DMXL1: variants seen among roughly 807,000 people sequenced by gnomAD.
DMXL1 encodes Dmx like 1, also known as dmX-like protein 1.
A neutral mutation model predicts 319.2 loss-of-function variants in DMXL1; 99 were observed. The observed-to-expected ratio is 0.31, with a 90% CI of 0.26 to 0.37. DMXL1 has a LOEUF of 0.37. Ranked by LOEUF, DMXL1 falls within the 10% of genes least tolerant of loss-of-function variation. The probability of loss-of-function intolerance (pLI) is 1.00; values close to 1 mark genes in which losing one functional copy is unlikely to be tolerated. For synonymous variants in DMXL1, 1,385 were observed against 1,235.2 expected, an observed-to-expected ratio of 1.12 and a Z score of -2.54; for missense variants, 3,745 against 3,595.6, an observed-to-expected ratio of 1.04 and a Z score of -1.06.
rs763521297 is a variant in DMXL1, at chr5:119,133,160, A to G, written c.1344A>G (p.Lys448=). ...CTGATGATGGTGTTGATGATCTGAAAATAAATCCCGAAAAGAAGGAATTAG... is the reference window on the plus strand; with the variant it reads ...CTGATGATGGTGTTGATGATCTGAAGATAAATCCCGAAAAGAAGGAATTAG... The part of the protein sequence containing the change: ...EETDDGVDDL[K]INPEKKELGC... The change falls in exon 11 of 44, where the codon AAA becomes AAG. Residue 448 remains lysine, a synonymous_variant. Transcript: ENST00000539542. The G allele has an allele frequency of 3.7e-6, 6 of 1,614,062 alleles. No individual in the cohort carries two copies. The African/African-American group carries it at 8.0e-5, about 22-fold the overall frequency.
At chr5:119,110,416 T>A (rs1271699240) in intron 5 of DMXL1, 133 bp downstream of exon 5, 6 of 722,474 alleles carry the variant, frequency 8.3e-6, no homozygotes, top group African/African-American at 1.9e-5. Flanking sequence ...TGCTTTTTCT[T>A]ATACACAGAT....
At chr5:119,160,002 T>C (rs1377971132) in intron 19 of DMXL1, among the ~76,000 whole-genome samples, 3 of 152,188 alleles carry the variant, frequency 2.0e-5, no homozygotes, top group Admixed American at 2.0e-4. Context: ...CAGGTTTTTT[T>C]CCCCTGTCAT....
intron 23 of DMXL1, among the ~76,000 whole-genome samples, chr5:119,168,528 TAG>T (rs1403721951): frequency 6.6e-6 from 1 of 152,228 alleles, no homozygotes; most frequent in Non-Finnish European, 1.5e-5. Flanking sequence ...GTCTAGTTCA[TAG>T]ATTTTTATGT....
rs139272268 is a variant in DMXL1 at position 119,146,949 on chromosome 5, C to T, written c.2682C>T (p.Val894=). The change falls in exon 16 of 44, where the codon GTC becomes GTT. Residue 894 remains valine, a synonymous_variant. Coordinates refer to ENST00000539542, the MANE Select transcript of DMXL1 (RefSeq NM_001290321.3). ...MWNLHLKSIP[V]SLDEKVDTKL... is the part of the protein sequence containing the mutation. ...ATTTACATCTAAAGTCAATTCCTGT[C>T]TCATTAGGTGAGTCTTTTGTGTGTG... The T allele has an allele frequency of 1.4e-5, 23 of 1,612,074 alleles. No individual in the cohort carries two copies. Among genetic ancestry groups the T allele is most frequent in the Middle Eastern group, 3.3e-4 (2 of 6,064 alleles).
At chr5:119,132,940 C>G in intron 10 of DMXL1, 192 bp from the exon 11 acceptor site, 1 of 621,604 alleles carries the variant, frequency 1.6e-6, no homozygotes, top group South Asian at 2.0e-5. Context: ...TACTGGTTTA[C>G]TTAAAGTATA....
intron 33 of DMXL1, among the ~76,000 whole-genome samples, chr5:119,205,877 T>C (rs1463093157): frequency 6.6e-6 from 1 of 152,128 alleles, no homozygotes; most frequent in Non-Finnish European, 1.5e-5. Context: ...TGCTTAAATA[T>C]TTTAGTCAAA....
chr5:119,216,823 T>C, intron 34 of DMXL1, 78 bp from the exon 35 acceptor site: 1 of 756,564 alleles, frequency 1.3e-6, no homozygotes, highest in South Asian at 1.7e-5. Context: ...ATGCAAGTAC[T>C]AATTGATAGA....
intron 7 of DMXL1, among the ~76,000 whole-genome samples, chr5:119,118,459 T>C (rs1222332513): frequency 3.9e-5 from 6 of 152,110 alleles, no homozygotes; most frequent in Non-Finnish European, 8.8e-5. Context: ...AAGAATCTTA[T>C]TGAGTGCTGG....
At position 119,148,790 on chromosome 5, in the gene DMXL1, T is replaced by G; in HGVS notation, c.2963T>G (p.Leu988Trp). 1 of 1,613,632 alleles carries G rather than the reference T, an allele frequency of 6.2e-7. No homozygotes were observed. The highest frequency in any genetic ancestry group is 8.5e-7 in the Non-Finnish European group (1 of 1,179,676). Residue 988 changes from leucine (L) to tryptophan (W), a missense_variant, in exon 18 of 44, where the codon TTG becomes TGG. Coordinates refer to ENST00000539542, the MANE Select transcript of DMXL1 (RefSeq NM_001290321.3). ...CCTGCATGCAGTGCTCCTTATTTAT[T>G]GGCAACTTCATGTTCAGATGAGAAA... The part of the protein sequence containing the change: ...IYPACSAPYL[L>W]ATSCSDEKVR...
At position 119,164,593 on chromosome 5, in the gene DMXL1, G is replaced by A. The variant is rs79390966; in HGVS notation, c.4789G>A (p.Asp1597Asn). Residue 1597 changes from aspartate (D) to asparagine (N), a missense_variant, in exon 20 of 44, where the codon GAT (aspartate) becomes AAT (asparagine). By Grantham distance (23) the Asp-to-Asn change is conservative (BLOSUM62 1). Around this residue, in one of 4 missense-constraint regions of DMXL1, gnomAD observed 2,096 missense variants for 1,985.4 expected, o/e 1.06. Transcript: ENST00000539542. ...CATGTTGCCAGCCATGCAGAAAGATGATCCCACTTGGTCTGAACTAAGAGC... is the reference window on the plus strand; with the variant it reads ...CATGTTGCCAGCCATGCAGAAAGATAATCCCACTTGGTCTGAACTAAGAGC... ...LNMLPAMQKD[D>N]PTWSELRAMG... is the part of the protein sequence containing the mutation. The A allele has an allele frequency of 1.1e-3, 1,781 of 1,614,140 alleles. 47 individuals carry two copies. In the East Asian group the frequency reaches 0.038, roughly 34 times the overall value.
intron 4 of DMXL1, among the ~76,000 whole-genome samples, chr5:119,106,440 A>C (rs934186634): frequency 1.3e-5 from 2 of 152,180 alleles, no homozygotes; most frequent in African/African-American, 4.8e-5. Context: ...ATTCTACGAA[A>C]GTGAGGGAAG....
At chr5:119,143,806 G>A (rs1354208593) in intron 13 of DMXL1, 35 bp from the exon 14 acceptor site, 1 of 1,385,272 alleles carries the variant, frequency 7.2e-7, no homozygotes, top group Non-Finnish European at 9.9e-7. Context: ...CATATGAATT[G>A]TTTAGTAAAT....
At chr5:119,194,352 T>A (rs1779221373) in intron 30 of DMXL1, among the ~76,000 whole-genome samples, 1 of 152,202 alleles carries the variant, frequency 6.6e-6, no homozygotes, top group Admixed American at 6.5e-5. Context: ...AAATATATTT[T>A]CAGTAGAACA....
At chr5:119,169,450 A>G (rs1206665543) in intron 23 of DMXL1, among the ~76,000 whole-genome samples, 1 of 152,174 alleles carries the variant, frequency 6.6e-6, no homozygotes, top group African/African-American at 2.4e-5. Context: ...CTGGCTTTTT[A>G]GATTGAACAA....
chr5:119,121,405 T>G (rs1397596693), intron 9 of DMXL1, among the ~76,000 whole-genome samples: 2 of 151,966 alleles, frequency 1.3e-5, no homozygotes, highest in African/African-American at 4.8e-5. Flanking sequence ...GGTCTCTGGT[T>G]TTCCTAGGCA....
intron 9 of DMXL1, among the ~76,000 whole-genome samples, chr5:119,125,587 T>C (rs1435741558): frequency 1.4e-4 from 21 of 152,110 alleles, no homozygotes. Context: ...ATTTTTGAGA[T>C]GAAGTCTCAC....
intron 25 of DMXL1, among the ~76,000 whole-genome samples, chr5:119,173,776 G>GTGTGTGTA: frequency 4.5e-5 from 3 of 67,172 alleles, no homozygotes; most frequent in Admixed American, 1.7e-4. Context: ...ATGTGTGTGT[G>GTGTGTGTA]TATATATATA....
intron 9 of DMXL1, among the ~76,000 whole-genome samples, chr5:119,128,952 T>A (rs1344257817): frequency 6.6e-6 from 1 of 151,808 alleles, no homozygotes; most frequent in African/African-American, 2.4e-5. Context: ...TAATCACAGC[T>A]ACTCGGGAGG....
intron 1 of DMXL1, among the ~76,000 whole-genome samples, chr5:119,072,301 A>G (rs758812714): frequency 3.3e-5 from 5 of 152,170 alleles, no homozygotes; most frequent in Non-Finnish European, 5.9e-5. Flanking sequence ...TGACAAGAAG[A>G]GGGCACCAAA....
Sources: gnomAD v4.1 joint callset for allele counts (sites outside exome capture counted in the v4.1 genomes callset) on GRCh38, gnomAD v4.1.1 for gene constraint, gnomAD v4.1.1 regional missense constraint, MANE v1.5 for transcripts, NCBI Gene and HGNC (gene_info 2026-07-23, HGNC 2026-07-21) for gene names.